USP13: variants seen among roughly 807,000 people sequenced by gnomAD.
The protein encoded by USP13 is ubiquitin carboxyl-terminal hydrolase 13.
Under a neutral mutation model 107.8 loss-of-function variants are expected in USP13, and 68 were observed. That is an observed-to-expected ratio of 0.63 (90% confidence interval 0.52 to 0.77). USP13 has a LOEUF of 0.77. USP13 is among the 30% of genes least tolerant of loss of function. The pLI, the probability that USP13 is intolerant of heterozygous loss-of-function variation, is 0.00. For missense variants in USP13, 945 were observed against 1,093.3 expected, an observed-to-expected ratio of 0.86 and a Z score of 1.91; for synonymous variants, 377 against 389.5, an observed-to-expected ratio of 0.97 and a Z score of 0.38.
intron 4 of USP13, among the ~76,000 whole-genome samples, chr3:179,706,532 T>C (rs1205348907): frequency 2.0e-5 from 3 of 152,230 alleles, no homozygotes; most frequent in Non-Finnish European, 2.9e-5. Context: ...TTGAGGATAT[T>C]GGATATCTGA....
At chr3:179,688,581 G>C (rs1389570286) in intron 2 of USP13, among the ~76,000 whole-genome samples, 1 of 152,176 alleles carries the variant, frequency 6.6e-6, no homozygotes, top group African/African-American at 2.4e-5. Flanking sequence ...TGATGCAGAG[G>C]TGATGGTCTT....
In USP13 at chr3:179,786,063, G is replaced by A. The variant is rs914226217; in HGVS notation, c.*1922G>A. 1 of 152,200 alleles carries A rather than the reference G, an allele frequency of 6.6e-6. No homozygotes were observed. The highest frequency in any genetic ancestry group is 1.5e-5 in the Non-Finnish European group (1 of 68,044). The allele number at this position is 152,200 out of a possible 1,614,324, so 9.4% of individuals were successfully genotyped here. A position where few individuals can be genotyped will look rare whatever the true frequency, so the allele number is the denominator to read the frequency against. On this transcript the variant is annotated 3_prime_UTR_variant, in exon 21 of 21. Coordinates refer to ENST00000263966, the MANE Select transcript of USP13 (RefSeq NM_003940.3). The stretch of plus-strand genomic sequence containing the variant: ...TTGGCAGAAGGAGGGAGCTCACGGT[G>A]CAGTACTTTTCTACCAAAGTGTGCC...
chr3:179,748,378 A>T (rs1228743742), intron 13 of USP13, among the ~76,000 whole-genome samples: 1 of 152,200 alleles, frequency 6.6e-6, no homozygotes, highest in Non-Finnish European at 1.5e-5. Context: ...TGGATTTCTA[A>T]GAGATGTTAT....
intron 3 of USP13, among the ~76,000 whole-genome samples, chr3:179,696,251 T>C (rs1712319919): frequency 6.6e-6 from 1 of 152,136 alleles, no homozygotes; most frequent in Non-Finnish European, 1.5e-5. Context: ...TATTTTTTGC[T>C]AATGGTTAGT....
intron 3 of USP13, among the ~76,000 whole-genome samples, chr3:179,693,455 G>A (rs1712179658): frequency 6.6e-6 from 1 of 151,818 alleles, no homozygotes; most frequent in Non-Finnish European, 1.5e-5. Context: ...GCCTGGCCAG[G>A]AAGTTATTTT....
chr3:179,681,771 T>C (rs1317731564), intron 1 of USP13, 107 bp from the exon 2 acceptor site: 1 of 1,441,732 alleles, frequency 6.9e-7, no homozygotes, highest in Non-Finnish European at 9.4e-7. Context: ...CGGTGGCCCT[T>C]TGCCAGGCCT....
chr3:179,690,683 C>T (rs112223130), intron 3 of USP13, among the ~76,000 whole-genome samples: 8,774 of 152,248 alleles, frequency 0.058, 285 homozygotes, highest in Non-Finnish European at 0.07. Context: ...AGCCATTCTC[C>T]CACCTCAGCC....
chr3:179,692,942 G>A (rs771737223), intron 3 of USP13, among the ~76,000 whole-genome samples: 8 of 151,998 alleles, frequency 5.3e-5, no homozygotes, highest in Non-Finnish European at 1.0e-4. Flanking sequence ...TTTCAGTGAG[G>A]CTTTTTCTAC....
chr3:179,716,944 T>C (rs1045809688), intron 6 of USP13, among the ~76,000 whole-genome samples: 2 of 152,238 alleles, frequency 1.3e-5, no homozygotes, highest in African/African-American at 4.8e-5. Context: ...TGCCTCATGC[T>C]CTTGTGGTTT....
rs1459625673 is a variant in USP13 at position 179,730,239 on chromosome 3, C to T, written c.1139C>T (p.Thr380Ile). 2 of 1,612,306 alleles carry T rather than the reference C, an allele frequency of 1.2e-6. No individual in the cohort carries two copies. The highest frequency in any genetic ancestry group is 1.7e-5 in the Admixed American group (1 of 59,796). Residue 380 changes from threonine to isoleucine, a missense_variant, in exon 9 of 21, where the codon ACA (threonine) becomes ATA (isoleucine). Physicochemically the swap from Thr to Ile is moderately conservative, Grantham distance 89 (BLOSUM62 -1). Coordinates refer to ENST00000263966, the MANE Select transcript of USP13 (RefSeq NM_003940.3). ...RIFDYSPLDP[T>I]QDFNTQMTKL... ...TTTGACTACTCGCCTTTAGATCCAACACAAGATTTCAACACACAGATGTAA... is the reference window on the plus strand; with the variant it reads ...TTTGACTACTCGCCTTTAGATCCAATACAAGATTTCAACACACAGATGTAA...
At position 179,765,612 on chromosome 3, in the gene USP13, GAC is replaced by G. The variant is rs916272817; in HGVS notation, c.2260-81_2260-80del. The G allele has an allele frequency of 1.3e-5, 20 of 1,511,738 alleles. 1 individual carries two copies. The African/African-American group carries it at 2.8e-4, about 21-fold the overall frequency. 93.6% of individuals were successfully genotyped at this position (1,511,738 alleles called of 1,614,324 possible). On this transcript the variant is annotated intron_variant, in intron 18 of 20. Coordinates refer to ENST00000263966, the MANE Select transcript of USP13 (RefSeq NM_003940.3). ...TTCAGACCTCCTTCCCTATCTGCCT[GAC>G]ATCTAGTTGAAATGGTCAGGACATA...
chr3:179,658,207 G>A lies in USP13; in HGVS notation c.168+4814G>A, dbSNP rs568201910. Among the ~76,000 whole-genome samples, 4 of 152,196 alleles carry A rather than the reference G, an allele frequency of 2.6e-5. No homozygotes were observed. The South Asian group carries it at 6.2e-4, about 24-fold the overall frequency. On this transcript the variant is annotated intron_variant, in intron 1 of 20. Transcript: ENST00000263966. Reference sequence around the variant, plus strand: ...CTGACCTCGTGATCCGCCCACCTTGGCCTCCCAAAGTGCTGTGATTACAGG... The same window carrying A: ...CTGACCTCGTGATCCGCCCACCTTGACCTCCCAAAGTGCTGTGATTACAGG...
intron 1 of USP13, among the ~76,000 whole-genome samples, chr3:179,657,182 T>A (rs770143036): frequency 6.6e-6 from 1 of 152,214 alleles, no homozygotes; most frequent in Non-Finnish European, 1.5e-5. Flanking sequence ...ATACATAAAG[T>A]GTGTCTGGCC....
chr3:179,694,228 G>A (rs1426464685), intron 3 of USP13, among the ~76,000 whole-genome samples: 3 of 152,104 alleles, frequency 2.0e-5, no homozygotes, highest in Non-Finnish European at 2.9e-5. Context: ...GCCTGCCTTG[G>A]CCTCCCAGAA....
chr3:179,697,997 T>C (rs1712382047), intron 3 of USP13, among the ~76,000 whole-genome samples: 1 of 152,204 alleles, frequency 6.6e-6, no homozygotes, highest in South Asian at 2.1e-4. Flanking sequence ...TGCAACTCTT[T>C]TGATATTCTT....
chr3:179,731,547 A>G (rs1415258802), intron 10 of USP13, among the ~76,000 whole-genome samples: 1 of 151,844 alleles, frequency 6.6e-6, no homozygotes. Flanking sequence ...AGTAGGAGAA[A>G]CTCCGTGGGC....
intron 16 of USP13, among the ~76,000 whole-genome samples, chr3:179,758,708 C>T (rs1451923588): frequency 6.6e-6 from 1 of 151,906 alleles, no homozygotes; most frequent in African/African-American, 2.4e-5. Flanking sequence ...CCGTGTTAGC[C>T]AGGATGGTCT....
At chr3:179,769,669 G>A (rs4854952) in intron 19 of USP13, among the ~76,000 whole-genome samples, 4 of 152,102 alleles carry the variant, frequency 2.6e-5, no homozygotes, top group Non-Finnish European at 4.4e-5. Context: ...TCTGCCTCTC[G>A]AAGTGTTAGG....
At chr3:179,659,625 C>T (rs1207705282) in intron 1 of USP13, among the ~76,000 whole-genome samples, 1 of 152,134 alleles carries the variant, frequency 6.6e-6, no homozygotes, top group African/African-American at 2.4e-5. Flanking sequence ...CACAACAACC[C>T]TATGTTATAT....
Sources: gnomAD v4.1 joint callset for allele counts (sites outside exome capture counted in the v4.1 genomes callset) on GRCh38, gnomAD v4.1.1 for gene constraint, MANE v1.5 for transcripts, NCBI Gene and HGNC (gene_info 2026-07-23, HGNC 2026-07-21) for gene names.